ELOVL2: variants seen among roughly 807,000 people sequenced by gnomAD.
ELOVL2 encodes ELOVL fatty acid elongase 2.
A neutral mutation model predicts 37.7 loss-of-function variants in ELOVL2; 38 were observed. The observed-to-expected ratio is 1.01, with a 90% CI of 0.78 to 1.32. ELOVL2 has a LOEUF of 1.32. ELOVL2 is among the 40% of genes most tolerant of loss of function. ELOVL2 has a pLI of 0.00. For missense variants in ELOVL2, 352 were observed against 363.6 expected (o/e 0.97, Z 0.26); for synonymous variants, 115 against 122.3 (o/e 0.94, Z 0.40).
chr6:11,011,563 T>C (rs1344246376), intron 1 of ELOVL2, among the ~76,000 whole-genome samples: 1 of 152,200 alleles, frequency 6.6e-6, no homozygotes, highest in Non-Finnish European at 1.5e-5. Flanking sequence ...GGCTGAACTG[T>C]ATTTCGTAAA....
At chr6:10,987,636 A>C (rs1283103632) in intron 7 of ELOVL2, among the ~76,000 whole-genome samples, 2 of 152,210 alleles carry the variant, frequency 1.3e-5, no homozygotes, top group Admixed American at 6.5e-5. Context: ...CTTCTGGTTA[A>C]AGATTAAAAA....
chr6:10,984,810 G>A (rs992158803), intron 7 of ELOVL2, among the ~76,000 whole-genome samples: 1 of 151,906 alleles, frequency 6.6e-6, no homozygotes, highest in Non-Finnish European at 1.5e-5. Context: ...GAATAGTGCT[G>A]CAGTAAACAT....
At position 11,031,265 on chromosome 6, in the gene ELOVL2, T is replaced by G. The variant is rs556182826; in HGVS notation, c.3+12963A>C. Among the ~76,000 whole-genome samples the G allele has an allele frequency of 6.9e-4, 105 of 152,358 alleles. 2 individuals carry two copies. The highest frequency in any genetic ancestry group is 1.4e-3 in the Admixed American group (21 of 15,302). ...ATGCTGCTTTATACAAATCTCCTTA[T>G]GTTTATTAATGAGAATTTCTTTGGG... On this transcript the variant is annotated intron_variant, in intron 1 of 7. Coordinates refer to ENST00000354666, the MANE Select transcript of ELOVL2 (RefSeq NM_017770.4).
chr6:10,994,483 A>AAAAAAAGAAAAG (rs1554111121), intron 5 of ELOVL2, among the ~76,000 whole-genome samples: 1 of 146,026 alleles, frequency 6.8e-6, no homozygotes, highest in Non-Finnish European at 1.5e-5. Context: ...AAAAAAAAAA[A>AAAAAAAGAAAAG]GAACAAATAT....
intron 1 of ELOVL2, among the ~76,000 whole-genome samples, chr6:11,022,883 C>G (rs1405505342): frequency 6.6e-6 from 1 of 152,118 alleles, no homozygotes; most frequent in Non-Finnish European, 1.5e-5. Context: ...ATGGCCTTCT[C>G]TCCAAGAGTA....
At chr6:11,010,466 C>T (rs986192897) in intron 2 of ELOVL2, among the ~76,000 whole-genome samples, 19 of 152,176 alleles carry the variant, frequency 1.2e-4, no homozygotes, top group East Asian at 1.9e-4. Context: ...AGTTACAACC[C>T]GGCTTTGTAG....
At chr6:11,026,488 C>T (rs1328764564) in intron 1 of ELOVL2, among the ~76,000 whole-genome samples, 1 of 152,076 alleles carries the variant, frequency 6.6e-6, no homozygotes, top group Admixed American at 6.6e-5. Flanking sequence ...TGGGCTATAA[C>T]AGGAGAGGCA....
chr6:10,990,243 T>C (rs1782128885), intron 6 of ELOVL2, 75 bp downstream of exon 6: 2 of 1,561,210 alleles, frequency 1.3e-6, no homozygotes, highest in Non-Finnish European at 1.7e-6. Context: ...AAAAGCCCTC[T>C]GACTTCTAAG....
intron 2 of ELOVL2, among the ~76,000 whole-genome samples, chr6:11,006,167 T>A (rs1055326708): frequency 6.6e-6 from 1 of 152,106 alleles, no homozygotes; most frequent in South Asian, 2.1e-4. Flanking sequence ...GAGAAAGCAA[T>A]AGGATGACCG....
intron 2 of ELOVL2, among the ~76,000 whole-genome samples, chr6:11,010,212 C>T (rs753268427): frequency 5.3e-5 from 8 of 151,898 alleles, no homozygotes; most frequent in African/African-American, 1.5e-4. Context: ...TTAGTAGAGA[C>T]GGGGTTTCAC....
At position 11,010,751 on chromosome 6, in the gene ELOVL2, G is replaced by A. The variant is rs775364197; in HGVS notation, c.62C>T (p.Pro21Leu). The change falls in exon 2 of 8, where the codon CCG becomes CTG. Residue 21 changes from proline to leucine, a missense_variant. Physicochemically the swap from Pro to Leu is moderately conservative, Grantham distance 98 (BLOSUM62 -3). Transcript: ENST00000354666. The part of the protein sequence containing the change: ...INAFLDNMFG[P>L]RDSRVRGWFM... ...TTCTCAAGTAATTCACTGACCTCGC[G>A]GTCCAAACATATTGTCCAAAAAAGC... 34 of 1,612,046 alleles carry A rather than the reference G, an allele frequency of 2.1e-5. No homozygotes were observed. The highest frequency in any genetic ancestry group is 1.8e-4 in the Admixed American group (11 of 59,868).
At chr6:11,011,158 A>C (rs1782572369) in intron 1 of ELOVL2, among the ~76,000 whole-genome samples, 1 of 152,022 alleles carries the variant, frequency 6.6e-6, no homozygotes, top group Non-Finnish European at 1.5e-5. Flanking sequence ...AGGTCAGGAG[A>C]TCGAGACCAT....
chr6:10,995,250 C>A, intron 4 of ELOVL2, 72 bp from the exon 5 acceptor site: 1 of 1,151,774 alleles, frequency 8.7e-7, no homozygotes, highest in Non-Finnish European at 1.2e-6. Flanking sequence ...ACTGCTCGGC[C>A]TTCTGCCTGC....
chr6:11,014,742 A>G (rs960625246), intron 1 of ELOVL2, among the ~76,000 whole-genome samples: 6 of 152,184 alleles, frequency 3.9e-5, no homozygotes, highest in Admixed American at 2.0e-4. Flanking sequence ...CCCAGAAAGC[A>G]GAGTTTGTGT....
chr6:11,033,591 AAAAC>A (rs1278904425), intron 1 of ELOVL2, among the ~76,000 whole-genome samples: 4 of 152,264 alleles, frequency 2.6e-5, no homozygotes, highest in Non-Finnish European at 5.9e-5. Context: ...CAATTTTCAA[AAAAC>A]ATTCAGTTTT....
At chr6:10,990,511 G>C (rs1581858753) in intron 5 of ELOVL2, 69 bp from the exon 6 acceptor site, 2 of 1,441,796 alleles carry the variant, frequency 1.4e-6, no homozygotes, top group Admixed American at 5.1e-5. Flanking sequence ...TGTCAAGTGA[G>C]ATTCTCTCTC....
At position 10,995,103 on chromosome 6, in the gene ELOVL2, T is replaced by C. The variant is rs1405388259; in HGVS notation, c.409A>G (p.Lys137Glu). ...FLDTIFFVLR[K>E]KTSQITFLHV... is the part of the protein sequence containing the mutation. ...AGAAAAGTAATCTGACTCGTTTTTT[T>C]CCGCAAAACGAAGAAAATTGTGTCC... The change falls in exon 5 of 8, where the codon AAA (lysine) becomes GAA (glutamate). Residue 137 changes from lysine to glutamate, a missense_variant. Physicochemically the swap from Lys to Glu is moderately conservative, Grantham distance 56 (BLOSUM62 1). Transcript: ENST00000354666. The C allele has an allele frequency of 1.9e-6, 3 of 1,613,264 alleles. No homozygotes were observed. Among genetic ancestry groups the C allele is most frequent in the Non-Finnish European group, 2.5e-6 (3 of 1,179,374 alleles).
At chr6:10,998,877 A>C (rs1782322147) in intron 4 of ELOVL2, among the ~76,000 whole-genome samples, 2 of 152,266 alleles carry the variant, frequency 1.3e-5, no homozygotes, top group South Asian at 4.1e-4. Flanking sequence ...TTTAAAAACA[A>C]ATAAAGTTAA....
intron 7 of ELOVL2, among the ~76,000 whole-genome samples, chr6:10,988,613 T>C (rs1029869995): frequency 3.9e-5 from 6 of 152,218 alleles, no homozygotes; most frequent in Non-Finnish European, 8.8e-5. Context: ...TTTCAGCAAG[T>C]GCAAACTAAA....
Sources: gnomAD v4.1 joint callset for allele counts (sites outside exome capture counted in the v4.1 genomes callset) on GRCh38, gnomAD v4.1.1 for gene constraint, MANE v1.5 for transcripts, NCBI Gene and HGNC (gene_info 2026-07-23, HGNC 2026-07-21) for gene names.